Variants in DIP2A observed in about 807,000 individuals in gnomAD.
DIP2A encodes the protein disco-interacting protein 2 homolog A.
DIP2A carries 85 observed loss-of-function variants against 177.4 expected under a neutral mutation model. That is an observed-to-expected ratio of 0.48 (90% confidence interval 0.40 to 0.57). The LOEUF (loss-of-function observed/expected upper bound fraction) is 0.57. DIP2A is among the 20% of genes least tolerant of loss of function. DIP2A has a pLI of 0.00. For synonymous variants in DIP2A, 886 were observed against 881.8 expected, an observed-to-expected ratio of 1.00 and a Z score of -0.08; for missense variants, 1,791 against 2,100.2, an observed-to-expected ratio of 0.85 and a Z score of 2.88.
At chr21:46,483,269 C>T (rs1375016077) in intron 1 of DIP2A, among the ~76,000 whole-genome samples, 1 of 150,788 alleles carries the variant, frequency 6.6e-6, no homozygotes, top group Non-Finnish European at 1.5e-5. Context: ...CTAAAAGACA[C>T]TATAAAAAAG....
intron 5 of DIP2A, among the ~76,000 whole-genome samples, chr21:46,502,437 ATTTTTTTTTTTT>A (rs36011338): frequency 4.5e-5 from 2 of 44,834 alleles, no homozygotes; most frequent in Admixed American, 3.7e-4. Flanking sequence ...GCTAGTGTTG[ATTTTTTTTTTTT>A]TTTTTTTTTT....
chr21:46,581,354 A>G, the DIP2A span, among the ~76,000 whole-genome samples: 2 of 152,084 alleles, frequency 1.3e-5, no homozygotes, highest in Admixed American at 6.5e-5. Flanking sequence ...GTAATGTTTT[A>G]TCATGGTTCT....
At chr21:46,575,489 A>G in the DIP2A span, among the ~76,000 whole-genome samples, 2 of 152,228 alleles carry the variant, frequency 1.3e-5, no homozygotes, top group Admixed American at 6.5e-5. Context: ...ATCTCTGCCA[A>G]TGATATAATC....
chr21:46,560,580 C>A, intron 32 of DIP2A, 142 bp from the exon 33 acceptor site: 1 of 1,081,010 alleles, frequency 9.3e-7, no homozygotes, highest in Non-Finnish European at 1.3e-6. Context: ...AACCCCTAGG[C>A]GGACTCACTG....
At chr21:46,490,900 C>G (rs1171419536) in intron 3 of DIP2A, among the ~76,000 whole-genome samples, 181 bp downstream of exon 3, 2 of 152,150 alleles carry the variant, frequency 1.3e-5, no homozygotes, top group Non-Finnish European at 2.9e-5. Context: ...TTCACGTAAC[C>G]ACAGTCTGTT....
intron 8 of DIP2A, among the ~76,000 whole-genome samples, chr21:46,517,382 T>C (rs1217168682): frequency 1.3e-5 from 2 of 152,138 alleles, no homozygotes; most frequent in Non-Finnish European, 2.9e-5. Flanking sequence ...CTGGCCTTTT[T>C]GATTGAATAT....
rs1483881595 is a variant in DIP2A at position 46,459,938 on chromosome 21, T to A, written c.91+716T>A. ...CTGTGAGCCCCGCTTTTCTCAAGGC[T>A]GTAGGTCTGGGCTTGGTCTGGGCTT... On this transcript the variant is annotated intron_variant, in intron 1 of 37. Transcript: ENST00000417564. 1.3e-5 allele frequency among the ~76,000 whole-genome samples: 2 copies of A among 152,176 alleles called. 1 individual carries two copies. Among genetic ancestry groups the A allele is most frequent in the Non-Finnish European group, 2.9e-5 (2 of 68,032 alleles).
intron 21 of DIP2A, among the ~76,000 whole-genome samples, chr21:46,548,321 G>C (rs1240774538): frequency 6.6e-6 from 1 of 152,132 alleles, no homozygotes; most frequent in Admixed American, 6.5e-5. Flanking sequence ...CATCAAGGTA[G>C]CCCAAACCCT....
chr21:46,535,233 G>A (rs2059516287), intron 13 of DIP2A, among the ~76,000 whole-genome samples: 1 of 152,154 alleles, frequency 6.6e-6, no homozygotes, highest in Non-Finnish European at 1.5e-5. Context: ...TACTTCAAAT[G>A]TCAGATACTT....
chr21:46,551,481 C>T (rs990645610), intron 23 of DIP2A, among the ~76,000 whole-genome samples, 153 bp from the exon 24 acceptor site: 2 of 152,100 alleles, frequency 1.3e-5, no homozygotes, highest in Non-Finnish European at 2.9e-5. Context: ...TTAGCATAAA[C>T]CTTGTAGCTA....
At chr21:46,514,461 T>C (rs192802468) in intron 8 of DIP2A, among the ~76,000 whole-genome samples, 2 of 152,060 alleles carry the variant, frequency 1.3e-5, no homozygotes, top group Admixed American at 1.3e-4. Flanking sequence ...GATGACTTTG[T>C]ATCCAGTTAT....
chr21:46,545,077 T>G (rs2059975098), intron 18 of DIP2A, 60 bp from the exon 19 acceptor site: 1 of 1,500,712 alleles, frequency 6.7e-7, no homozygotes. Flanking sequence ...CAAGGAGATC[T>G]TTGTGAGTGA....
intron 8 of DIP2A, among the ~76,000 whole-genome samples, chr21:46,514,863 T>C (rs796682096): frequency 1.1e-4 from 17 of 152,272 alleles, no homozygotes; most frequent in African/African-American, 4.1e-4. Flanking sequence ...GAGTTGGGAT[T>C]GAATTTTGTC....
rs71318086 is a variant in DIP2A, at chr21:46,517,054, CTTTTTTTT to C, written c.1102+5460_1102+5467del. On this transcript the variant is annotated intron_variant, in intron 8 of 37. Coordinates refer to ENST00000417564, the MANE Select transcript of DIP2A (RefSeq NM_015151.4). ...TTGCTCTTGTCTGTGTTTTCTCTCT[CTTTTTTTT>C]TTTTTTTTTTTTTTTTTTTGAGACA... Among the ~76,000 whole-genome samples the C allele has an allele frequency of 1.6e-4, 10 of 60,880 alleles. No individual in the cohort carries two copies. The South Asian group carries it at 3.5e-3, about 21-fold the overall frequency. 39.9% of individuals were successfully genotyped at this position (60,880 alleles called of 152,430 possible). A position where few individuals can be genotyped will look rare whatever the true frequency, so the allele number is the denominator to read the frequency against.
chr21:46,459,082 C>G lies in DIP2A; in HGVS notation c.-50C>G. The G allele has an allele frequency of 1.4e-6, 2 of 1,388,496 alleles. No homozygotes were observed. The highest frequency in any genetic ancestry group is 1.9e-6 in the Non-Finnish European group (2 of 1,069,540). The allele number at this position is 1,388,496 out of a possible 1,614,324, so 86.0% of individuals were successfully genotyped here. ...GTAGCCGAGGTTTGCGCTGCCGCCGCCAGGCCCGGTCCGGTTCCAGCCTCT... is the reference window on the plus strand; with the variant it reads ...GTAGCCGAGGTTTGCGCTGCCGCCGGCAGGCCCGGTCCGGTTCCAGCCTCT... On this transcript the variant is annotated 5_prime_UTR_variant, in exon 1 of 38. Transcript: ENST00000417564.
chr21:46,526,171 A>G (rs1403911048), intron 8 of DIP2A, among the ~76,000 whole-genome samples: 3 of 151,734 alleles, frequency 2.0e-5, no homozygotes, highest in Non-Finnish European at 4.4e-5. Context: ...TGGCCTCCCA[A>G]AGTGCTAGGA....
chr21:46,526,370 G>T (rs1412652901), intron 8 of DIP2A, among the ~76,000 whole-genome samples: 1 of 150,786 alleles, frequency 6.6e-6, no homozygotes, highest in African/African-American at 2.4e-5. Context: ...AGCTTGTGGT[G>T]GATACTTTCA....
At chr21:46,511,700 A>T in intron 8 of DIP2A, 86 bp downstream of exon 8, 1 of 1,314,950 alleles carries the variant, frequency 7.6e-7, no homozygotes, top group Non-Finnish European at 1.0e-6. Context: ...CAGCTTGATA[A>T]ATATTCCTGA....
chr21:46,551,511 C>G (rs565942520), intron 23 of DIP2A, 123 bp from the exon 24 acceptor site: 2 of 783,278 alleles, frequency 2.6e-6, no homozygotes, highest in African/African-American at 1.7e-5. Context: ...ATATTTGTAT[C>G]TCAGTAGAAG....
Sources: allele counts gnomAD v4.1 joint callset (sites outside exome capture counted in the v4.1 genomes callset), GRCh38; gene constraint gnomAD v4.1.1; transcripts MANE v1.5; gene names NCBI Gene and HGNC (gene_info 2026-07-23, HGNC 2026-07-21).